The following GINS1 variants were observed in gnomAD, a reference collection of about 807,000 sequenced individuals.
GINS1 encodes DNA replication complex GINS protein PSF1.
A neutral mutation model predicts 34.9 loss-of-function variants in GINS1; 26 were observed. The observed-to-expected ratio is 0.74, with a 90% confidence interval of 0.55 to 1.03. The LOEUF is 1.03. GINS1 is among the 50% of genes least tolerant of loss of function. The pLI, the probability that GINS1 is intolerant of heterozygous loss-of-function variation, is 0.00. For synonymous variants in GINS1, 97 were observed against 84.4 expected, an observed-to-expected ratio of 1.15 and a Z score of -0.82; for missense variants, 235 against 237.9, an observed-to-expected ratio of 0.99 and a Z score of 0.08.
At chr20:25,416,364 A>C (rs2090320499) in intron 2 of GINS1, among the ~76,000 whole-genome samples, 1 of 152,180 alleles carries the variant, frequency 6.6e-6, no homozygotes, top group Non-Finnish European at 1.5e-5. Flanking sequence ...GGGTGGCAGA[A>C]GTATATAGAA....
rs370644328 is a variant in GINS1 at position 25,447,541 on chromosome 20, G to T, written c.*1550G>T. ...GGACTCTGTTTTGTTCCATTGACCT[G>T]TTTTTCTCTCCTGAATGCCAATACC... On this transcript the variant is annotated 3_prime_UTR_variant, in exon 7 of 7. Coordinates refer to ENST00000262460, the MANE Select transcript of GINS1 (RefSeq NM_021067.5). 6.6e-6 allele frequency: 1 copy of T among 152,190 alleles called. No homozygotes were observed. Among genetic ancestry groups the T allele is most frequent in the Non-Finnish European group, 1.5e-5 (1 of 68,016 alleles). 9.4% of individuals were successfully genotyped at this position (152,190 alleles called of 1,614,324 possible).
At chr20:25,442,565 A>C (rs1021631861) in intron 6 of GINS1, among the ~76,000 whole-genome samples, 1 of 151,742 alleles carries the variant, frequency 6.6e-6, no homozygotes, top group Non-Finnish European at 1.5e-5. Context: ...TCATATTCAC[A>C]TTAGATGAAT....
intron 4 of GINS1, chr20:25,419,667 T>C: frequency 1.5e-6 from 1 of 673,440 alleles, no homozygotes; most frequent in Non-Finnish European, 2.1e-6. Context: ...GATTAATTTT[T>C]TTGTGTATTT....
chr20:25,439,453 G>A (rs919434316), intron 5 of GINS1, among the ~76,000 whole-genome samples: 4 of 152,066 alleles, frequency 2.6e-5, no homozygotes, highest in Non-Finnish European at 5.9e-5. Flanking sequence ...CAGGAGTATT[G>A]CTTGAGACCA....
intron 1 of GINS1, chr20:25,408,960 T>G (rs1316933698): frequency 3.1e-6 from 3 of 983,480 alleles, no homozygotes; most frequent in Non-Finnish European, 3.6e-6. Flanking sequence ...CGCTAAGTGA[T>G]ACTAAGGAGG....
chr20:25,442,692 C>G (rs2090489384), intron 6 of GINS1, among the ~76,000 whole-genome samples: 1 of 150,326 alleles, frequency 6.7e-6, no homozygotes, highest in Admixed American at 6.6e-5. Flanking sequence ...ATTGCAACCT[C>G]TGCCTCCTGG....
chr20:25,422,221 C>T (rs920176075), intron 4 of GINS1, among the ~76,000 whole-genome samples: 4 of 152,056 alleles, frequency 2.6e-5, no homozygotes, highest in African/African-American at 4.8e-5. Context: ...TTGTGTCCCT[C>T]CTCCCAGTGA....
chr20:25,408,239 C>T (rs563095626), intron 1 of GINS1, among the ~76,000 whole-genome samples: 1 of 152,200 alleles, frequency 6.6e-6, no homozygotes, highest in East Asian at 1.9e-4. Flanking sequence ...CCTCTGGAAC[C>T]TGGCTGAGAT....
chr20:25,422,048 CTTAAT>C (rs1314508457), intron 4 of GINS1, among the ~76,000 whole-genome samples: 10 of 151,916 alleles, frequency 6.6e-5, no homozygotes, highest in Non-Finnish European at 1.3e-4. Flanking sequence ...TTTAAAATCA[CTTAAT>C]TTAACCATTT....
intron 2 of GINS1, among the ~76,000 whole-genome samples, chr20:25,415,260 G>T (rs1218511882): frequency 6.6e-6 from 1 of 152,192 alleles, no homozygotes; most frequent in Non-Finnish European, 1.5e-5. Context: ...CAACAGATTT[G>T]CAGTAAATAT....
chr20:25,444,021 G>A (rs1485785568), intron 6 of GINS1, among the ~76,000 whole-genome samples: 1 of 30,262 alleles, frequency 3.3e-5, no homozygotes, highest in African/African-American at 1.4e-4. Flanking sequence ...TCTATCTATG[G>A]TTTTTTTCGA....
At chr20:25,437,223 T>C (rs1426761593) in intron 5 of GINS1, among the ~76,000 whole-genome samples, 1 of 152,210 alleles carries the variant, frequency 6.6e-6, no homozygotes, top group African/African-American at 2.4e-5. Flanking sequence ...TTCACTTCAG[T>C]GGAATGCGGG....
intron 3 of GINS1, among the ~76,000 whole-genome samples, 189 bp from the exon 4 acceptor site, chr20:25,417,915 TA>T (rs1450702183): frequency 6.6e-6 from 1 of 152,178 alleles, no homozygotes; most frequent in Non-Finnish European, 1.5e-5. Flanking sequence ...TTCCCAGGAC[TA>T]CTGTGCTGCT....
intron 1 of GINS1, 33 bp downstream of exon 1, chr20:25,407,928 C>A (rs188473560): frequency 6.5e-7 from 1 of 1,530,420 alleles, no homozygotes; most frequent in East Asian, 2.3e-5. Context: ...CGGGGCATGC[C>A]GGCGTTGGGC....
At chr20:25,443,443 C>T (rs1028600334) in intron 6 of GINS1, among the ~76,000 whole-genome samples, 8 of 151,056 alleles carry the variant, frequency 5.3e-5, no homozygotes, top group Non-Finnish European at 1.2e-4. Context: ...TGAAATGTCC[C>T]TTCATCCCAA....
chr20:25,427,730 T>C (rs892157274), intron 5 of GINS1, among the ~76,000 whole-genome samples: 7 of 152,300 alleles, frequency 4.6e-5, no homozygotes, highest in Non-Finnish European at 8.8e-5. Context: ...TTATCAGATA[T>C]ATGATTTGCA....
Position 25,415,878 on chromosome 20 carries a change from C to T in GINS1, c.141-1226C>T, listed in dbSNP as rs1176790710. Among the ~76,000 whole-genome samples the T allele has an allele frequency of 2.6e-5, 4 of 152,218 alleles. No individual in the cohort carries two copies. In the East Asian group the frequency reaches 5.8e-4, roughly 22 times the overall value. On this transcript the variant is annotated intron_variant, in intron 2 of 6. Transcript: ENST00000262460. The stretch of plus-strand genomic sequence containing the variant: ...AGGGAACTTCTCTCCAAAGAGGAGA[C>T]ATTTCAGCTGAGGCCTGCAGGAGAT...
intron 5 of GINS1, among the ~76,000 whole-genome samples, chr20:25,437,586 C>A (rs924391029): frequency 6.6e-6 from 1 of 152,236 alleles, no homozygotes; most frequent in Non-Finnish European, 1.5e-5. Context: ...CAGACAGATT[C>A]CTGATGTTTC....
intron 6 of GINS1, among the ~76,000 whole-genome samples, chr20:25,442,034 T>C (rs1485722380): frequency 6.6e-6 from 1 of 152,182 alleles, no homozygotes; most frequent in African/African-American, 2.4e-5. Flanking sequence ...ATTACCATAA[T>C]CAGCCTTATT....
Sources: gnomAD v4.1 joint callset for allele counts (sites outside exome capture counted in the v4.1 genomes callset) on GRCh38, gnomAD v4.1.1 for gene constraint, MANE v1.5 for transcripts, NCBI Gene and HGNC (gene_info 2026-07-23, HGNC 2026-07-21) for gene names.